NUMA1: variants seen among roughly 807,000 people sequenced by gnomAD.
The protein encoded by NUMA1 is nuclear mitotic apparatus protein 1.
NUMA1 carries 62 observed loss-of-function variants against 237.1 expected under a neutral mutation model. The ratio of observed to expected loss-of-function variants is 0.26; its 90% CI spans 0.21 to 0.32. The LOEUF (loss-of-function observed/expected upper bound fraction) is 0.32. Among genes scored for constraint, NUMA1 ranks in the 10% least tolerant of loss-of-function variants. The probability of loss-of-function intolerance (pLI) is 1.00; values close to 1 mark genes in which losing one functional copy is unlikely to be tolerated. For synonymous variants in NUMA1, 1,028 were observed against 1,066.1 expected (o/e 0.96, Z 0.70); for missense variants, 2,533 against 2,666.5 (o/e 0.95, Z 1.10).
At chr11:72,026,531 T>A (rs894914244) in intron 4 of NUMA1, among the ~76,000 whole-genome samples, 6 of 152,278 alleles carry the variant, frequency 3.9e-5, no homozygotes, top group Non-Finnish European at 8.8e-5. Context: ...TTTAGACTAT[T>A]CACGCACAGA....
intron 2 of NUMA1, chr11:72,065,657 C>T (rs1252256427): frequency 6.6e-6 from 1 of 152,190 alleles, no homozygotes; most frequent in Non-Finnish European, 1.5e-5. Flanking sequence ...TGAATATATA[C>T]TATTTTTCAA....
At chr11:72,037,485 G>T (rs1003643898) in intron 2 of NUMA1, among the ~76,000 whole-genome samples, 1 of 152,052 alleles carries the variant, frequency 6.6e-6, no homozygotes, top group Non-Finnish European at 1.5e-5. Context: ...CAGTTTGGGT[G>T]ACAGAGCGAG....
chr11:72,030,377 G>T (rs1940143935), intron 3 of NUMA1, among the ~76,000 whole-genome samples: 1 of 151,720 alleles, frequency 6.6e-6, no homozygotes, highest in South Asian at 2.1e-4. Context: ...AAAAAAGGGG[G>T]CGGTGGGGGA....
chr11:72,055,780 G>A (rs1942600467), intron 2 of NUMA1, among the ~76,000 whole-genome samples: 1 of 151,302 alleles, frequency 6.6e-6, no homozygotes, highest in African/African-American at 2.4e-5. Flanking sequence ...AGGAATTCAA[G>A]ACCAGCCTGG....
rs1310780699 is a variant in NUMA1 at position 72,013,632 on chromosome 11, G to A, written c.3871C>T (p.Arg1291Trp). Reference protein sequence around the residue: ...ARAAERSSALREEVQSLREEA... With the variant: ...ARAAERSSALWEEVQSLREEA... ...TCCCGGAGGCTCTGCACCTCCTCCC[G>A]CAGAGCAGAGCTGCGTTCTGCAGCT... Residue 1291 changes from arginine to tryptophan, a missense_variant, in exon 15 of 27, where the codon CGG (arginine) becomes TGG (tryptophan). Transcript: ENST00000393695. This position sits in a 1 kb window ranked among gnomAD's most constrained non-coding sequence, Gnocchi z 6.8. 7 of 1,610,018 alleles carry A rather than the reference G, an allele frequency of 4.3e-6. No homozygotes were observed. Among genetic ancestry groups the A allele is most frequent in the East Asian group, 4.5e-5 (2 of 44,858 alleles).
intron 16 of NUMA1, among the ~76,000 whole-genome samples, chr11:72,011,245 TACTC>T (rs1565200539): frequency 2.6e-5 from 4 of 152,178 alleles, no homozygotes; most frequent in Admixed American, 6.5e-5. Flanking sequence ...CTAGTAGACA[TACTC>T]AATGAATTCC....
intron 19 of NUMA1, 30 bp downstream of exon 19, chr11:72,008,937 G>A (rs1232113677): frequency 1.9e-6 from 3 of 1,612,884 alleles, no homozygotes. Context: ...TGGAATAGGA[G>A]TGAGGTGAGT....
chr11:72,056,912 C>A (rs1043781203), intron 2 of NUMA1, among the ~76,000 whole-genome samples: 1 of 150,168 alleles, frequency 6.7e-6, no homozygotes. Context: ...TTAATGAAAA[C>A]AAAAATGGCA....
In NUMA1 at chr11:72,029,208, C is replaced by G. The variant is rs1285555320; in HGVS notation, c.125G>C (p.Arg42Thr). 3 of 1,610,496 alleles carry G rather than the reference C, an allele frequency of 1.9e-6. No individual in the cohort carries two copies. In the East Asian group the frequency reaches 6.7e-5, roughly 36 times the overall value. The part of the protein sequence containing the change: ...DCSIFIKIID[R>T]IHGTEEGQQI... ...AAGGGGTATGGTGCGTACTCACATT[C>G]TGTCAATGATCTTGATGAAGATGCT... Residue 42 changes from arginine to threonine, a missense_variant, in exon 4 of 27, where the codon AGA becomes ACA. This residue lies in a region of NUMA1 where 1,414 missense variants were observed against 1,508.1 expected (regional missense o/e 0.94). Transcript: ENST00000393695.
rs751465834 is a variant in NUMA1 at position 72,008,972 on chromosome 11, C to A, written c.5053G>T (p.Ala1685Ser). The A allele has an allele frequency of 1.9e-6, 3 of 1,613,980 alleles. No homozygotes were observed. In the East Asian group the frequency reaches 6.7e-5, roughly 36 times the overall value. ...TCTGCCAGCCAAATTCTTACCTGTG[C>A]CTCCAGGCTGCGCACCTGGGCAGTA... ...HLTAQVRSLE[A>S]QVAHADQQLR... Residue 1685 changes from alanine to serine, a missense_variant, in exon 19 of 27, where the codon GCA (alanine) becomes TCA (serine). Ala to Ser is a moderately conservative substitution (Grantham distance 99, BLOSUM62 1). This residue lies in a region of NUMA1 where 795 missense variants were observed against 750.8 expected (regional missense o/e 1.06). Coordinates refer to ENST00000393695, the MANE Select transcript of NUMA1 (RefSeq NM_006185.4).
Position 72,013,368 on chromosome 11 carries a change from T to C in NUMA1, c.4135A>G (p.Lys1379Glu). Reference protein sequence around the residue: ...QLQAEQAAAEKRHREELEQSK... With the variant: ...QLQAEQAAAEERHREELEQSK... ...TGCTCCAGCTCCTCACGGTGGCGTT[T>C]CTCGGCAGCGGCCTGCTCGGCCTGC... Residue 1379 changes from lysine (K) to glutamate (E), a missense_variant, in exon 15 of 27, where the codon AAA (lysine) becomes GAA (glutamate). Lys to Glu is a moderately conservative substitution (Grantham distance 56). Transcript: ENST00000393695. This position sits in a 1 kb window ranked among gnomAD's most constrained non-coding sequence, Gnocchi z 6.8. The C allele has an allele frequency of 6.2e-7, 1 of 1,610,456 alleles. No individual in the cohort carries two copies. Among genetic ancestry groups the C allele is most frequent in the Non-Finnish European group, 8.5e-7 (1 of 1,179,860 alleles).
intron 2 of NUMA1, among the ~76,000 whole-genome samples, chr11:72,052,559 A>G (rs1034163372): frequency 6.6e-6 from 1 of 152,150 alleles, no homozygotes; most frequent in Non-Finnish European, 1.5e-5. Context: ...TGAGGTCAGG[A>G]GATTGAGACC....
intron 2 of NUMA1, among the ~76,000 whole-genome samples, chr11:72,056,852 T>A (rs1413930407): frequency 6.6e-6 from 1 of 151,898 alleles, no homozygotes; most frequent in Non-Finnish European, 1.5e-5. Flanking sequence ...TGTGAAAGAA[T>A]CTGACAGGAC....
At chr11:72,052,289 A>T (rs1288360093) in intron 2 of NUMA1, among the ~76,000 whole-genome samples, 1 of 152,214 alleles carries the variant, frequency 6.6e-6, no homozygotes, top group Non-Finnish European at 1.5e-5. Flanking sequence ...GGATGGGATG[A>T]TGGGGAATGC....
intron 8 of NUMA1, among the ~76,000 whole-genome samples, chr11:72,019,995 T>A (rs1938528791): frequency 6.6e-6 from 1 of 152,116 alleles, no homozygotes; most frequent in South Asian, 2.1e-4. Context: ...ACCTTTCCTA[T>A]CAGAGCCATT....
Position 72,016,293 on chromosome 11 carries a change from A to G in NUMA1, c.1243-33T>C, listed in dbSNP as rs767640883. On this transcript the variant is annotated intron_variant, in intron 14 of 26. Transcript: ENST00000393695. ...TATAAAGAGACAAACTGGGATCAGC[A>G]TGACTCCTCAGTCATCAAGACTCCT... The G allele has an allele frequency of 2.5e-6, 4 of 1,584,254 alleles. No individual in the cohort carries two copies. In the East Asian group the frequency reaches 9.0e-5, roughly 36 times the overall value.
Position 72,013,332 on chromosome 11 carries a change from C to T in NUMA1, c.4171G>A (p.Ala1391Thr). The T allele has an allele frequency of 6.2e-7, 1 of 1,606,930 alleles. No homozygotes were observed. The highest frequency in any genetic ancestry group is 1.7e-5 in the Admixed American group (1 of 60,004). ...AGCTCTGCCCGCAGTCCCCCAGCGG[C>T]CTGCTTGCTCTGCTCCAGCTCCTCA... is the stretch of plus-strand genomic sequence containing the variant. ...HREELEQSKQAAGGLRAELLR... is the reference protein window; with the variant it reads ...HREELEQSKQTAGGLRAELLR... The change falls in exon 15 of 27, where the codon GCC (alanine) becomes ACC (threonine). Residue 1391 changes from alanine (A) to threonine (T), a missense_variant. Physicochemically the swap from Ala to Thr is moderately conservative, Grantham distance 58. Transcript: ENST00000393695. This position sits in a 1 kb window ranked among gnomAD's most constrained non-coding sequence, Gnocchi z 6.8.
chr11:72,040,526 C>G (rs1379839343), intron 2 of NUMA1: 1 of 157,348 alleles, frequency 6.4e-6, no homozygotes, highest in Admixed American at 6.6e-5. Context: ...CTGGGCCCCC[C>G]ACCACTATAT....
chr11:72,074,017 C>A (rs1943587688), intron 1 of NUMA1, among the ~76,000 whole-genome samples: 1 of 151,432 alleles, frequency 6.6e-6, no homozygotes, highest in African/African-American at 2.4e-5. Context: ...CATGGGGAAA[C>A]CCGTCTCTAC....
Sources: allele counts gnomAD v4.1 joint callset (sites outside exome capture counted in the v4.1 genomes callset), GRCh38; gene constraint gnomAD v4.1.1; regional missense constraint gnomAD v4.1.1; non-coding constraint Gnocchi (gnomAD v3.1); transcripts MANE v1.5; gene names NCBI Gene and HGNC (gene_info 2026-07-23, HGNC 2026-07-21).